The following STT3B variants were observed in gnomAD, a reference collection of about 807,000 sequenced individuals.
STT3B encodes the protein dolichyl-diphosphooligosaccharide--protein glycosyltransferase subunit STT3B.
STT3B carries 29 observed loss-of-function variants against 96.8 expected under a neutral mutation model. The ratio of observed to expected loss-of-function variants is 0.30; its 90% confidence interval spans 0.22 to 0.41. STT3B has a LOEUF of 0.41. STT3B is among the 10% of genes least tolerant of loss of function. The probability of loss-of-function intolerance (pLI) is 1.00; values close to 1 mark genes in which losing one functional copy is unlikely to be tolerated. For synonymous variants in STT3B, 367 were observed against 360.0 expected (o/e 1.02, Z -0.22); for missense variants, 640 against 1,022.3 (o/e 0.63, Z 5.10).
chr3:31,603,208 A>T (rs1647749399), intron 5 of STT3B, among the ~76,000 whole-genome samples: 1 of 152,172 alleles, frequency 6.6e-6, no homozygotes, highest in South Asian at 2.1e-4. Context: ...ATTATTTTAA[A>T]TAATTATGAA....
At chr3:31,535,963 C>T (rs1188197321) in intron 1 of STT3B, among the ~76,000 whole-genome samples, 3 of 152,106 alleles carry the variant, frequency 2.0e-5, no homozygotes, top group Non-Finnish European at 4.4e-5. Flanking sequence ...GGACTGTCTC[C>T]TGTGCCTTAC....
intron 1 of STT3B, among the ~76,000 whole-genome samples, chr3:31,543,980 G>T (rs745458858): frequency 2.6e-5 from 4 of 152,176 alleles, no homozygotes; most frequent in African/African-American, 7.2e-5. Flanking sequence ...AAAAAAGACA[G>T]ATGACAGCAA....
In STT3B at chr3:31,632,912, CAAT is replaced by C; in HGVS notation, c.2188-16_2188-14del. The C allele has an allele frequency of 1.9e-6, 3 of 1,605,128 alleles. No homozygotes were observed. The highest frequency in any genetic ancestry group is 2.6e-6 in the Non-Finnish European group (3 of 1,172,764). On this transcript the variant is annotated intron_variant, in intron 14 of 15. Transcript: ENST00000295770. ...AATGTTTTCCAATATGGTTAACACC[CAAT>C]AATAATGTCACTTTTGCAGCTGGAT...
intron 13 of STT3B, 27 bp downstream of exon 13, chr3:31,626,154 G>T (rs200369469): frequency 2.5e-6 from 4 of 1,587,568 alleles, no homozygotes; most frequent in Non-Finnish European, 3.4e-6. Context: ...TTCCAGGTAT[G>T]TGAAAGATAG....
chr3:31,611,248 C>T (rs1045385580), intron 5 of STT3B, among the ~76,000 whole-genome samples: 1 of 152,078 alleles, frequency 6.6e-6, no homozygotes, highest in African/African-American at 2.4e-5. Flanking sequence ...AGCCTTTCCC[C>T]CACCAAATGT....
intron 2 of STT3B, 23 bp downstream of exon 2, chr3:31,576,527 A>T (rs911022896): frequency 1.6e-6 from 2 of 1,286,634 alleles, no homozygotes; most frequent in East Asian, 2.4e-5. Flanking sequence ...GCAGTTCTTT[A>T]TGTTAATTAT....
At chr3:31,547,430 A>G (rs535431167) in intron 1 of STT3B, among the ~76,000 whole-genome samples, 41 of 152,238 alleles carry the variant, frequency 2.7e-4, no homozygotes, top group Admixed American at 4.6e-4. Flanking sequence ...GGATCACTTG[A>G]GGTCAGGAGT....
At chr3:31,599,776 A>G (rs1042159651) in intron 4 of STT3B, among the ~76,000 whole-genome samples, 1 of 152,222 alleles carries the variant, frequency 6.6e-6, no homozygotes, top group Non-Finnish European at 1.5e-5. Context: ...TATTCTGGCT[A>G]AATAGTGTAT....
At chr3:31,562,178 C>G (rs1423432070) in intron 1 of STT3B, among the ~76,000 whole-genome samples, 3 of 152,098 alleles carry the variant, frequency 2.0e-5, no homozygotes, top group Non-Finnish European at 2.9e-5. Flanking sequence ...GGCAGCTTCT[C>G]GAGCCCCTGG....
rs150269777 is a variant in STT3B, at chr3:31,569,405, A to G, written c.315-6991A>G. Among the ~76,000 whole-genome samples the G allele has an allele frequency of 3.9e-5, 6 of 152,304 alleles. No individual in the cohort carries two copies. The East Asian group carries it at 9.7e-4, about 25-fold the overall frequency. Reference sequence around the variant, plus strand: ...AAATTTAATATCTTCTTGCTACCTTAGGAGACGGTCTCTTTTTCCCTAAAT... The same window carrying G: ...AAATTTAATATCTTCTTGCTACCTTGGGAGACGGTCTCTTTTTCCCTAAAT... On this transcript the variant is annotated intron_variant, in intron 1 of 15. Transcript: ENST00000295770.
chr3:31,588,667 T>C (rs1698599975), intron 3 of STT3B, among the ~76,000 whole-genome samples: 1 of 152,146 alleles, frequency 6.6e-6, no homozygotes, highest in South Asian at 2.1e-4. Flanking sequence ...ATGTCTGTGA[T>C]TCATTTTGAG....
intron 1 of STT3B, among the ~76,000 whole-genome samples, chr3:31,539,858 A>G (rs1346694070): frequency 6.6e-6 from 1 of 152,148 alleles, no homozygotes; most frequent in East Asian, 1.9e-4. Context: ...TGAGATTGGA[A>G]GTCTTAAGCC....
chr3:31,601,072 T>C (rs953948105), intron 5 of STT3B, among the ~76,000 whole-genome samples: 1 of 152,184 alleles, frequency 6.6e-6, no homozygotes, highest in East Asian at 1.9e-4. Context: ...ATTATAATAA[T>C]GTTTTTGGAA....
At chr3:31,619,859 A>G in intron 9 of STT3B, 29 bp downstream of exon 9, 1 of 1,589,010 alleles carries the variant, frequency 6.3e-7, no homozygotes, top group Non-Finnish European at 8.5e-7. Context: ...GAATACTTTG[A>G]TATGGAATAG....
At chr3:31,533,857 C>T (rs1342500145) in intron 1 of STT3B, among the ~76,000 whole-genome samples, 2 of 152,246 alleles carry the variant, frequency 1.3e-5, no homozygotes, top group Non-Finnish European at 2.9e-5. Flanking sequence ...GCTGCTCACC[C>T]TTGCAGTTTT....
chr3:31,623,838 C>T lies in STT3B; in HGVS notation c.1704C>T (p.Val568=), dbSNP rs1410878165. The change falls in exon 11 of 16, where the codon GTC becomes GTT. Residue 568 remains valine (V), a synonymous_variant. Transcript: ENST00000295770. Reference sequence around the variant, plus strand: ...ATGCCTACTCTAGTCCAAGTGTAGTCCTGGCCTCATACAATCATGATGGGT... The same window carrying T: ...ATGCCTACTCTAGTCCAAGTGTAGTTCTGGCCTCATACAATCATGATGGGT... ...TSNAYSSPSV[V]LASYNHDGTR... 7 of 1,609,658 alleles carry T rather than the reference C, an allele frequency of 4.3e-6. No individual in the cohort carries two copies. The highest frequency in any genetic ancestry group is 5.9e-6 in the Non-Finnish European group (7 of 1,177,330).
chr3:31,573,706 C>T (rs922577514), intron 1 of STT3B, among the ~76,000 whole-genome samples: 2 of 152,022 alleles, frequency 1.3e-5, no homozygotes, highest in African/African-American at 2.4e-5. Flanking sequence ...GAAAAACATT[C>T]CACATGGGTA....
At chr3:31,598,249 T>G (rs771161117) in intron 4 of STT3B, among the ~76,000 whole-genome samples, 53 of 152,214 alleles carry the variant, frequency 3.5e-4, no homozygotes, top group Non-Finnish European at 6.5e-4. Context: ...GAACCATGTT[T>G]AGATGAAATA....
chr3:31,553,206 G>C (rs1243728859), intron 1 of STT3B, among the ~76,000 whole-genome samples: 1 of 151,806 alleles, frequency 6.6e-6, no homozygotes, highest in East Asian at 1.9e-4. Flanking sequence ...GAACTGTTTA[G>C]TATTTCTTAA....
Sources: allele counts gnomAD v4.1 joint callset (sites outside exome capture counted in the v4.1 genomes callset), GRCh38; gene constraint gnomAD v4.1.1; transcripts MANE v1.5; gene names NCBI Gene and HGNC (gene_info 2026-07-23, HGNC 2026-07-21).